NSMCE1: variants seen among roughly 807,000 people sequenced by gnomAD.
The protein encoded by NSMCE1 is non-structural maintenance of chromosomes element 1 homolog.
In NSMCE1, 18 loss-of-function variants were observed where a neutral mutation model predicts 29.6. The ratio of observed to expected loss-of-function variants is 0.61; its 90% CI spans 0.42 to 0.90. NSMCE1 has a LOEUF of 0.90. NSMCE1 is among the 40% of genes least tolerant of loss of function. NSMCE1 has a pLI of 0.00. For synonymous variants in NSMCE1, 124 were observed against 133.4 expected (o/e 0.93, Z 0.49); for missense variants, 314 against 343.6 (o/e 0.91, Z 0.68).
intron 2 of NSMCE1, among the ~76,000 whole-genome samples, chr16:27,239,010 C>G (rs761520693): frequency 3.9e-5 from 6 of 152,230 alleles, no homozygotes; most frequent in South Asian, 2.1e-4. Flanking sequence ...ACTGGGACTA[C>G]AGGTGTTTCA....
intron 1 of NSMCE1, among the ~76,000 whole-genome samples, chr16:27,265,590 T>C (rs1339772970): frequency 6.6e-6 from 1 of 152,176 alleles, no homozygotes; most frequent in Non-Finnish European, 1.5e-5. Context: ...CTAGGAGATA[T>C]GTTTTTACAG....
chr16:27,255,199 A>G (rs2084074034), intron 2 of NSMCE1, among the ~76,000 whole-genome samples: 2 of 152,044 alleles, frequency 1.3e-5, no homozygotes, highest in African/African-American at 4.8e-5. Flanking sequence ...CTTTTTAAAG[A>G]GCAAGAGAAA....
In NSMCE1 at chr16:27,225,042, A is replaced by AT; in HGVS notation, c.*114dup. 4 of 667,334 alleles carry AT rather than the reference A, an allele frequency of 6.0e-6. No individual in the cohort carries two copies. The highest frequency in any genetic ancestry group is 1.1e-5 in the Non-Finnish European group (4 of 369,534). The allele number at this position is 667,334 out of a possible 1,614,324, so 41.3% of individuals were successfully genotyped here. On this transcript the variant is annotated 3_prime_UTR_variant, in exon 8 of 8. Coordinates refer to ENST00000361439, the MANE Select transcript of NSMCE1 (RefSeq NM_145080.4). ...TATTCCAAAGCTGTGGACGGTGAAC[A>AT]TTAAGACGAAAGAGGTGACTCGCGT... is the stretch of plus-strand genomic sequence containing the variant.
intron 2 of NSMCE1, among the ~76,000 whole-genome samples, chr16:27,255,747 C>T (rs192878592): frequency 6.6e-6 from 1 of 152,248 alleles, no homozygotes; most frequent in Non-Finnish European, 1.5e-5. Flanking sequence ...TTCTGTCTCC[C>T]TCTTCTTATT....
At chr16:27,239,572 C>G (rs996007021) in intron 2 of NSMCE1, among the ~76,000 whole-genome samples, 1 of 152,210 alleles carries the variant, frequency 6.6e-6, no homozygotes, top group Non-Finnish European at 1.5e-5. Flanking sequence ...CCAGAACCAA[C>G]TGAAGAAAAA....
chr16:27,234,025 G>A lies in NSMCE1; in HGVS notation c.336+163C>T. 5.0e-6 allele frequency: 3 copies of A among 603,744 alleles called. No individual in the cohort carries two copies. The South Asian group carries it at 6.0e-5, about 12-fold the overall frequency. 37.4% of individuals were successfully genotyped at this position (603,744 alleles called of 1,614,324 possible). A position where few individuals can be genotyped will look rare whatever the true frequency, so the allele number is the denominator to read the frequency against. The stretch of plus-strand genomic sequence containing the variant: ...CCCCTGGCAGCTGTGAGTTCCAGAT[G>A]GGTAGACAGTGACATCTCCCTGCAA... On this transcript the variant is annotated intron_variant, in intron 4 of 7. Coordinates refer to ENST00000361439, the MANE Select transcript of NSMCE1 (RefSeq NM_145080.4).
chr16:27,244,566 C>T (rs920668721), intron 2 of NSMCE1, among the ~76,000 whole-genome samples: 6 of 152,214 alleles, frequency 3.9e-5, no homozygotes, highest in Non-Finnish European at 4.4e-5. Flanking sequence ...AGCCCCTTCA[C>T]TCATGCTGCC....
chr16:27,249,794 T>C (rs903936368), intron 2 of NSMCE1, among the ~76,000 whole-genome samples: 4 of 152,236 alleles, frequency 2.6e-5, no homozygotes, highest in African/African-American at 4.8e-5. Context: ...TTAATTTTTA[T>C]AAAAAGCCTT....
At chr16:27,267,750 C>G (rs1382306274) in intron 1 of NSMCE1, among the ~76,000 whole-genome samples, 1 of 147,802 alleles carries the variant, frequency 6.8e-6, no homozygotes, top group Non-Finnish European at 1.5e-5. Context: ...TTTTTTGAGA[C>G]GGAGTTTCGC....
chr16:27,242,013 A>T (rs531185818), intron 2 of NSMCE1: 1 of 327,334 alleles, frequency 3.1e-6, no homozygotes, highest in Non-Finnish European at 6.2e-6. Flanking sequence ...ACATGCAATG[A>T]TGTTGAGAAT....
rs542091332 is a variant in NSMCE1 at position 27,254,298 on chromosome 16, A to G, written c.136+3137T>C. 4.7e-4 allele frequency among the ~76,000 whole-genome samples: 71 copies of G among 152,320 alleles called. 1 individual carries two copies. Among genetic ancestry groups the G allele is most frequent in the Admixed American group, 1.9e-3 (29 of 15,300 alleles). On this transcript the variant is annotated intron_variant, in intron 2 of 7. Coordinates refer to ENST00000361439, the MANE Select transcript of NSMCE1 (RefSeq NM_145080.4). ...CAAAATAGATTGTTCTACCCTGTTC[A>G]CCCTGGCCATAACCATATCTAGGTG...
chr16:27,263,823 C>CA (rs375455550), intron 1 of NSMCE1, among the ~76,000 whole-genome samples: 15 of 152,070 alleles, frequency 9.9e-5, no homozygotes, highest in African/African-American at 3.4e-4. Context: ...GTGACGTCTA[C>CA]AAAAAACCTG....
chr16:27,251,189 T>TATATATATATATATATATATATATATA (rs1459861130), intron 2 of NSMCE1, among the ~76,000 whole-genome samples: 1 of 58,834 alleles, frequency 1.7e-5, no homozygotes, highest in Non-Finnish European at 2.9e-5. Context: ...TATATATATA[T>TATATATATATATATATATATATATATA]AAATATATAT....
intron 2 of NSMCE1, among the ~76,000 whole-genome samples, chr16:27,239,159 C>T (rs1213697750): frequency 2.0e-5 from 3 of 152,186 alleles, no homozygotes; most frequent in Non-Finnish European, 2.9e-5. Flanking sequence ...CGTGAGCCAC[C>T]GTGCCCAGCC....
At chr16:27,230,441 T>C (rs1596671463) in intron 5 of NSMCE1, 3 of 152,260 alleles carry the variant, frequency 2.0e-5, no homozygotes, top group African/African-American at 4.8e-5. Flanking sequence ...CGGTTCTCAG[T>C]GATTCCTCCA....
intron 2 of NSMCE1, among the ~76,000 whole-genome samples, chr16:27,236,539 C>T (rs539774534): frequency 4.7e-4 from 71 of 152,262 alleles, no homozygotes; most frequent in African/African-American, 1.3e-3. Flanking sequence ...TCAAGTGTTC[C>T]GCCCACCTCA....
At position 27,241,825 on chromosome 16, in the gene NSMCE1, G is replaced by A. The variant is rs753290628; in HGVS notation, c.137-6526C>T. 49 of 455,280 alleles carry A rather than the reference G, an allele frequency of 1.1e-4. 2 individuals are homozygous for A. The highest frequency in any genetic ancestry group is 7.4e-4 in the South Asian group (48 of 64,484). The allele number at this position is 455,280 out of a possible 1,614,324, so 28.2% of individuals were successfully genotyped here. ...TCTCAGCAGACCCTCAGCAACCAATGCAGAGGCGAGCCAGAAAGGATCGCT... is the reference window on the plus strand; with the variant it reads ...TCTCAGCAGACCCTCAGCAACCAATACAGAGGCGAGCCAGAAAGGATCGCT... On this transcript the variant is annotated intron_variant, in intron 2 of 7. Transcript: ENST00000361439.
chr16:27,235,935 C>T (rs1206923170), intron 2 of NSMCE1, among the ~76,000 whole-genome samples: 1 of 152,194 alleles, frequency 6.6e-6, no homozygotes, highest in African/African-American at 2.4e-5. Context: ...CGTCATGAAT[C>T]CACCCTCCAG....
intron 2 of NSMCE1, among the ~76,000 whole-genome samples, 185 bp from the exon 3 acceptor site, chr16:27,235,484 G>A (rs1567274722): frequency 6.6e-6 from 1 of 152,198 alleles, no homozygotes; most frequent in African/African-American, 2.4e-5. Context: ...GTACTTGGAA[G>A]ACAAACAGAC....
Sources: gnomAD v4.1 joint callset for allele counts (sites outside exome capture counted in the v4.1 genomes callset) on GRCh38, gnomAD v4.1.1 for gene constraint, MANE v1.5 for transcripts, NCBI Gene and HGNC (gene_info 2026-07-23, HGNC 2026-07-21) for gene names.